Variants in SLC35E2B observed in about 807,000 individuals in gnomAD.
SLC35E2B encodes solute carrier family 35, member E2B.
In SLC35E2B, 18 loss-of-function variants were observed where a neutral mutation model predicts 32.4. That is an observed-to-expected ratio of 0.56 (90% CI 0.38 to 0.82). The LOEUF (loss-of-function observed/expected upper bound fraction) is 0.82, where lower values mean the gene tolerates loss of function less well. Ranked by LOEUF, SLC35E2B falls within the 40% of genes least tolerant of loss-of-function variation. The pLI is 0.00. For synonymous variants in SLC35E2B, 132 were observed against 209.1 expected (o/e 0.63, Z 3.18); for missense variants, 263 against 469.5 (o/e 0.56, Z 4.06).
Position 1,671,390 on chromosome 1 carries a change from T to C in SLC35E2B, c.707+119A>G, listed in dbSNP as rs1280217686. 17 of 1,171,534 alleles carry C rather than the reference T, an allele frequency of 1.5e-5. No individual in the cohort carries two copies. In the South Asian group the frequency reaches 3.9e-4, roughly 27 times the overall value. 72.6% of individuals were successfully genotyped at this position (1,171,534 alleles called of 1,614,324 possible). ...TTTTGCTCTTTAGGAAAGGGCAGCA[T>C]TGGACGCACCTGCTTTGGCTCACGG... is the stretch of plus-strand genomic sequence containing the variant. On this transcript the variant is annotated intron_variant, in intron 6 of 9. Transcript: ENST00000617444.
intron 6 of SLC35E2B, chr1:1,670,508 G>A (rs1643660399): frequency 1.6e-5 from 3 of 182,858 alleles, no homozygotes; most frequent in South Asian, 2.0e-4. Flanking sequence ...TGCAAGCTCC[G>A]CCTCCCAGGT....
At position 1,665,796 on chromosome 1, in the gene SLC35E2B, T is replaced by C. The variant is rs1643526251; in HGVS notation, c.1204A>G (p.Arg402Gly). ...TVEPLLPQDP[R>G]QHP ...GCTTCCTGCTCTCAGGGATGCTGCCTGGGGTCCTGTGGAAGCAGCGGCTCC... is the reference window on the plus strand; with the variant it reads ...GCTTCCTGCTCTCAGGGATGCTGCCCGGGGTCCTGTGGAAGCAGCGGCTCC... The change falls in exon 10 of 10, where the codon AGG becomes GGG. Residue 402 changes from arginine to glycine, a missense_variant. By Grantham distance (125) the Arg-to-Gly change is moderately radical (BLOSUM62 -2). This residue lies in a region of SLC35E2B where 78 missense variants were observed against 71.1 expected (regional missense o/e 1.10). Transcript: ENST00000617444. The C allele has an allele frequency of 1.9e-6, 3 of 1,550,670 alleles. No homozygotes were observed. Among genetic ancestry groups the C allele is most frequent in the Non-Finnish European group, 2.6e-6 (3 of 1,146,842 alleles).
chr1:1,682,126 C>T (rs1643905295), intron 2 of SLC35E2B, among the ~76,000 whole-genome samples: 1 of 146,998 alleles, frequency 6.8e-6, no homozygotes, highest in African/African-American at 2.5e-5. Context: ...TCCCATAGAA[C>T]TGGGATTACA....
chr1:1,682,103 G>A (rs1380790497), intron 2 of SLC35E2B, among the ~76,000 whole-genome samples: 3 of 139,000 alleles, frequency 2.2e-5, no homozygotes, highest in Non-Finnish European at 4.6e-5. Flanking sequence ...CATGTGATTC[G>A]CCCGCCTTGG....
intron 6 of SLC35E2B, 25 bp downstream of exon 6, chr1:1,671,484 C>CA: frequency 6.9e-7 from 1 of 1,455,116 alleles, no homozygotes; most frequent in East Asian, 2.8e-5. Flanking sequence ...TCGTCCCCCT[C>CA]ACGCCCACCT....
rs142209547 is a variant in SLC35E2B, at chr1:1,669,629, C to T, written c.834+35G>A. 9.6e-4 allele frequency: 1,443 copies of T among 1,496,072 alleles called. 14 individuals are homozygous for T. In the African/African-American group the frequency reaches 0.017, roughly 18 times the overall value. The allele number at this position is 1,496,072 out of a possible 1,614,324, so 92.7% of individuals were successfully genotyped here. A position where few individuals can be genotyped will look rare whatever the true frequency, so the allele number is the denominator to read the frequency against. ...TGAATCACCGGAGAAGGCAGCCCGGCAAGTAAGGACGGGACGCCTGTGTCT... is the reference window on the plus strand; with the variant it reads ...TGAATCACCGGAGAAGGCAGCCCGGTAAGTAAGGACGGGACGCCTGTGTCT... On this transcript the variant is annotated intron_variant, in intron 8 of 9. Coordinates refer to ENST00000617444, the MANE Select transcript of SLC35E2B (RefSeq NM_001290264.2).
chr1:1,666,881 G>A (rs548573772), intron 9 of SLC35E2B, among the ~76,000 whole-genome samples: 17 of 151,904 alleles, frequency 1.1e-4, no homozygotes, highest in East Asian at 3.9e-4. Flanking sequence ...CGAGGCGGGC[G>A]GATCGCCTGA....
chr1:1,675,486 C>G lies in SLC35E2B; in HGVS notation c.563G>C (p.Arg188Pro), dbSNP rs748247356. Residue 188 changes from arginine to proline, a missense_variant, in exon 5 of 10, where the codon CGG becomes CCG. Coordinates refer to ENST00000617444, the MANE Select transcript of SLC35E2B (RefSeq NM_001290264.2). Reference protein sequence around the residue: ...SAPIFTVIMSRMILGEYTGLL... With the variant: ...SAPIFTVIMSPMILGEYTGLL... ...ACCTGTGTACTCCCCCAGAATCATC[C>G]GAGACATGATCACCGTGAAGATGGG... 27 of 1,609,070 alleles carry G rather than the reference C, an allele frequency of 1.7e-5. No homozygotes were observed. Among genetic ancestry groups the G allele is most frequent in the African/African-American group, 2.7e-5 (2 of 73,784 alleles).
At chr1:1,667,857 T>TG (rs1643585253) in intron 9 of SLC35E2B, among the ~76,000 whole-genome samples, 1 of 138,656 alleles carries the variant, frequency 7.2e-6, no homozygotes, top group Non-Finnish European at 1.5e-5. Flanking sequence ...TGTTTTTCTG[T>TG]TTTTTTTTTT....
At chr1:1,666,475 CTGGGCCTCCCACA>C (rs1643548330) in intron 9 of SLC35E2B, among the ~76,000 whole-genome samples, 1 of 149,270 alleles carries the variant, frequency 6.7e-6, no homozygotes, top group Admixed American at 6.6e-5. Flanking sequence ...ATCTTCCCAC[CTGGGCCTCCCACA>C]GAGCTGGGAT....
chr1:1,683,103 CAAAT>C (rs1643914131), intron 2 of SLC35E2B, among the ~76,000 whole-genome samples: 3 of 152,106 alleles, frequency 2.0e-5, no homozygotes, highest in East Asian at 3.9e-4. Flanking sequence ...AATAAACAAG[CAAAT>C]AAATAAAGTC....
chr1:1,682,259 C>T (rs553820482), intron 2 of SLC35E2B, among the ~76,000 whole-genome samples: 9 of 152,142 alleles, frequency 5.9e-5, no homozygotes, highest in Non-Finnish European at 1.0e-4. Context: ...GAGGGCCAAA[C>T]GGTCCCGGGA....
At chr1:1,673,970 A>G (rs1302888281) in intron 5 of SLC35E2B, 1 of 65,654 alleles carries the variant, frequency 1.5e-5, no homozygotes, top group Non-Finnish European at 5.6e-5. Flanking sequence ...TCAAAAAAGA[A>G]AAAAAAAAAA....
rs577544279 is a variant in SLC35E2B at position 1,679,860 on chromosome 1, C to T, written c.-147-3014G>A. Among the ~76,000 whole-genome samples the T allele has an allele frequency of 9.4e-5, 14 of 149,398 alleles. No homozygotes were observed. The South Asian group carries it at 1.1e-3, about 11-fold the overall frequency. On this transcript the variant is annotated intron_variant, in intron 2 of 9. Coordinates refer to ENST00000617444, the MANE Select transcript of SLC35E2B (RefSeq NM_001290264.2). ...AAAAAAAAAAAAAAAATGCTGGGCG[C>T]GATGGCTCACACCTGTAATCCCAGC... is the stretch of plus-strand genomic sequence containing the variant.
At position 1,665,871 on chromosome 1, in the gene SLC35E2B, C is replaced by T. The variant is rs1425968888; in HGVS notation, c.1129G>A (p.Ala377Thr). 6 of 1,551,032 alleles carry T rather than the reference C, an allele frequency of 3.9e-6. No homozygotes were observed. The South Asian group carries it at 7.1e-5, about 18-fold the overall frequency. The change falls in exon 10 of 10, where the codon GCG becomes ACG. Residue 377 changes from alanine to threonine, a missense_variant. Ala to Thr is a moderately conservative substitution (Grantham distance 58, BLOSUM62 0). This residue lies in a region of SLC35E2B where 78 missense variants were observed against 71.1 expected (regional missense o/e 1.10). Transcript: ENST00000617444. ...YNKARQHQQE[A>T]LQSLAAATGR... is the part of the protein sequence containing the mutation. ...GTGGCTGCAGCCAGGCTCTGCAGCG[C>T]CTCCTGCTGGTGTTGCCTGGCTTTG... is the stretch of plus-strand genomic sequence containing the variant.
At chr1:1,688,084 G>A (rs1023832973) in intron 2 of SLC35E2B, among the ~76,000 whole-genome samples, 54 of 152,018 alleles carry the variant, frequency 3.6e-4, no homozygotes, top group South Asian at 1.7e-3. Flanking sequence ...GGCGCAGGGG[G>A]CTTGAAAGGC....
chr1:1,670,036 C>T (rs752936487), intron 7 of SLC35E2B, 62 bp downstream of exon 7: 2 of 1,410,904 alleles, frequency 1.4e-6, no homozygotes, highest in Non-Finnish European at 2.0e-6. Context: ...CTGACTCTTA[C>T]AGTGAGCAGG....
At chr1:1,688,325 G>A (rs1206930966) in intron 2 of SLC35E2B, among the ~76,000 whole-genome samples, 4 of 152,118 alleles carry the variant, frequency 2.6e-5, no homozygotes, top group South Asian at 2.1e-4. Context: ...GCTTAGAAAC[G>A]GCCGGGCGCG....
At chr1:1,680,532 G>A (rs571205058) in intron 2 of SLC35E2B, among the ~76,000 whole-genome samples, 5 of 152,198 alleles carry the variant, frequency 3.3e-5, no homozygotes, top group South Asian at 2.1e-4. Flanking sequence ...CCTGGGACAC[G>A]CATGCTGAGC....
Sources: allele counts gnomAD v4.1 joint callset (sites outside exome capture counted in the v4.1 genomes callset), GRCh38; gene constraint gnomAD v4.1.1; regional missense constraint gnomAD v4.1.1; transcripts MANE v1.5; gene names NCBI Gene and HGNC (gene_info 2026-07-23, HGNC 2026-07-21).